Variants in DIAPH1 observed in about 807,000 individuals in gnomAD.
The protein encoded by DIAPH1 is diaphanous related formin 1, also known as protein diaphanous homolog 1.
A neutral mutation model predicts 140.7 loss-of-function variants in DIAPH1; 46 were observed. The observed-to-expected ratio is 0.33, with a 90% CI of 0.26 to 0.42. The LOEUF (loss-of-function observed/expected upper bound fraction) is 0.42, where lower values mean the gene tolerates loss of function less well. DIAPH1 is among the 10% of genes least tolerant of loss of function. DIAPH1 has a pLI of 1.00. For synonymous variants in DIAPH1, 565 were observed against 551.6 expected, an observed-to-expected ratio of 1.02 and a Z score of -0.34; for missense variants, 1,310 against 1,558.7, an observed-to-expected ratio of 0.84 and a Z score of 2.69.
intron 23 of DIAPH1, 30 bp downstream of exon 23, chr5:141,528,423 G>A (rs765135612): frequency 6.2e-7 from 1 of 1,613,656 alleles, no homozygotes; most frequent in African/African-American, 1.3e-5. Flanking sequence ...AGAGACTTTT[G>A]GGCTCTAGCT....
chr5:141,531,175 G>T (rs1410947844), intron 19 of DIAPH1, among the ~76,000 whole-genome samples: 1 of 152,124 alleles, frequency 6.6e-6, no homozygotes, highest in Non-Finnish European at 1.5e-5. Context: ...TCCCCGAAAA[G>T]ACAATCTGTT....
rs778617853 is a variant in DIAPH1 at position 141,527,546 on chromosome 5, C to A, written c.3273+27G>T. On this transcript the variant is annotated intron_variant, in intron 24 of 27. Coordinates refer to ENST00000389054, the MANE Select transcript of DIAPH1 (RefSeq NM_005219.5). Reference sequence around the variant, plus strand: ...AAGTTTTCTTTCCCTTCCTAGGGAACAACTCCCTCCTTTCAAGAGAGGATA... The same window carrying A: ...AAGTTTTCTTTCCCTTCCTAGGGAAAAACTCCCTCCTTTCAAGAGAGGATA... 9 of 1,612,876 alleles carry A rather than the reference C, an allele frequency of 5.6e-6. No individual in the cohort carries two copies. The East Asian group carries it at 2.0e-4, about 36-fold the overall frequency.
At chr5:141,520,252 G>T (rs529026448) in intron 27 of DIAPH1, among the ~76,000 whole-genome samples, 33 of 152,138 alleles carry the variant, frequency 2.2e-4, no homozygotes, top group Admixed American at 9.2e-4. Context: ...ACAAAAGTAG[G>T]GGGGAGAATA....
At position 141,526,315 on chromosome 5, in the gene DIAPH1, A is replaced by G; in HGVS notation, c.3420T>C (p.Asn1140=). The G allele has an allele frequency of 6.2e-7, 1 of 1,614,178 alleles. No homozygotes were observed. Among genetic ancestry groups the G allele is most frequent in the South Asian group, 1.1e-5 (1 of 91,082 alleles). The change falls in exon 25 of 28, where the codon AAT becomes AAC. Residue 1140 remains asparagine, a synonymous_variant. Coordinates refer to ENST00000389054, the MANE Select transcript of DIAPH1 (RefSeq NM_005219.5). The part of the protein sequence containing the change: ...SVEEFFMDLH[N]FRNMFLQAVK... ...TGCTCACCAAAAACATATTCCGAAA[A>G]TTGTGAAGATCCATGAAAAATTCTT... is the stretch of plus-strand genomic sequence containing the variant.
chr5:141,515,357 A>C lies in DIAPH1; in HGVS notation c.*1494T>G, dbSNP rs970564947. 28 of 152,266 alleles carry C rather than the reference A, an allele frequency of 1.8e-4. 1 individual carries two copies. The highest frequency in any genetic ancestry group is 6.3e-4 in the African/African-American group (26 of 41,452). The allele number at this position is 152,266 out of a possible 1,614,324, so 9.4% of individuals were successfully genotyped here. The stretch of plus-strand genomic sequence containing the variant: ...CCCTCCCTCCTGGCAATAAGGCCTC[A>C]CTATAGTTGCCCTCATGCTTCCTAA... On this transcript the variant is annotated 3_prime_UTR_variant, in exon 28 of 28. Transcript: ENST00000389054.
chr5:141,551,681 A>G (rs948850869), intron 18 of DIAPH1, among the ~76,000 whole-genome samples: 3 of 152,218 alleles, frequency 2.0e-5, no homozygotes, highest in African/African-American at 7.2e-5. Context: ...GAAAAAATAT[A>G]AAATAAAACC....
At chr5:141,518,695 T>C (rs2099886073) in intron 27 of DIAPH1, 3 of 526,528 alleles carry the variant, frequency 5.7e-6, no homozygotes, top group Non-Finnish European at 6.9e-6. Flanking sequence ...GCTATTTTTG[T>C]ATTTTTTTGC....
intron 16 of DIAPH1, among the ~76,000 whole-genome samples, chr5:141,573,035 T>C (rs570437278): frequency 1.3e-5 from 2 of 152,328 alleles, no homozygotes; most frequent in African/African-American, 4.8e-5. Context: ...TAATATCTCC[T>C]GAATAAACAT....
At chr5:141,524,251 A>C (rs1050683737) in intron 26 of DIAPH1, 22 bp from the exon 27 acceptor site, 2 of 1,603,712 alleles carry the variant, frequency 1.2e-6, no homozygotes, top group Non-Finnish European at 1.7e-6. Flanking sequence ...AACAAGATGG[A>C]GATGTGAACT....
intron 18 of DIAPH1, chr5:141,560,938 AG>A (rs1357439267): frequency 8.9e-6 from 4 of 449,222 alleles, no homozygotes; most frequent in African/African-American, 2.1e-5. Context: ...GGGAAAGATG[AG>A]GGGGGGAAGG....
intron 19 of DIAPH1, 65 bp downstream of exon 19, chr5:141,534,270 G>C (rs960502423): frequency 7.8e-7 from 1 of 1,283,964 alleles, no homozygotes; most frequent in Non-Finnish European, 1.1e-6. Flanking sequence ...ATAGATTCAA[G>C]AGAATTAAAA....
At chr5:141,536,319 T>C (rs538110708) in intron 18 of DIAPH1, among the ~76,000 whole-genome samples, 69 of 152,198 alleles carry the variant, frequency 4.5e-4, no homozygotes, top group African/African-American at 1.6e-3. Flanking sequence ...TTCACTGTTT[T>C]GGAGCTCAGT....
chr5:141,578,946 T>G, intron 9 of DIAPH1, 142 bp downstream of exon 9: 1 of 778,218 alleles, frequency 1.3e-6, no homozygotes, highest in Non-Finnish European at 2.3e-6. Context: ...AGAAGGTTAA[T>G]CATTTTCCCT....
At chr5:141,615,212 G>GA (rs1362564056) in intron 1 of DIAPH1, among the ~76,000 whole-genome samples, 1 of 151,780 alleles carries the variant, frequency 6.6e-6, no homozygotes, top group African/African-American at 2.4e-5. Flanking sequence ...GAGGCTGGCG[G>GA]ATCACGAGGT....
At chr5:141,575,710 G>C (rs1197945073) in intron 14 of DIAPH1, among the ~76,000 whole-genome samples, 1 of 151,922 alleles carries the variant, frequency 6.6e-6, no homozygotes, top group African/African-American at 2.4e-5. Context: ...AGGGGAATCA[G>C]TTCATTTCCA....
intron 18 of DIAPH1, among the ~76,000 whole-genome samples, chr5:141,549,123 G>A (rs2099891293): frequency 6.6e-6 from 1 of 152,056 alleles, no homozygotes; most frequent in Non-Finnish European, 1.5e-5. Flanking sequence ...TCAGACTGGA[G>A]TTACAAAACA....
At chr5:141,582,609 A>G (rs1428413527) in intron 6 of DIAPH1, among the ~76,000 whole-genome samples, 6 of 152,174 alleles carry the variant, frequency 3.9e-5, no homozygotes, top group African/African-American at 1.4e-4. Context: ...TTATATTAAA[A>G]TCTTCTTTTT....
At position 141,534,356 on chromosome 5, in the gene DIAPH1, A is replaced by G; in HGVS notation, c.2560T>C (p.Ser854Pro). 2 of 1,613,674 alleles carry G rather than the reference A, an allele frequency of 1.2e-6. No individual in the cohort carries two copies. The highest frequency in any genetic ancestry group is 1.7e-6 in the Non-Finnish European group (2 of 1,179,810). Residue 854 changes from serine to proline, a missense_variant, in exon 19 of 28, where the codon TCA (serine) becomes CCA (proline). By Grantham distance (74) the Ser-to-Pro change is moderately conservative. This residue lies in a region of DIAPH1 where 589 missense variants were observed against 549.3 expected (regional missense o/e 1.07). Coordinates refer to ENST00000389054, the MANE Select transcript of DIAPH1 (RefSeq NM_005219.5). The part of the protein sequence containing the change: ...KKVKELKVLD[S>P]KTAQNLSIFL... The stretch of plus-strand genomic sequence containing the variant: ...TCACAGAGATTCTGGGCTGTCTTTG[A>G]ATCCAACACCTTTAACTCTTTTACT...
At chr5:141,580,911 G>T (rs757992491) in intron 7 of DIAPH1, 28 bp from the exon 8 acceptor site, 3 of 1,613,994 alleles carry the variant, frequency 1.9e-6, no homozygotes. Context: ...AAAGAAAGGA[G>T]GCTGAAAGAC....
Sources: gnomAD v4.1 joint callset for allele counts (sites outside exome capture counted in the v4.1 genomes callset) on GRCh38, gnomAD v4.1.1 for gene constraint, gnomAD v4.1.1 regional missense constraint, MANE v1.5 for transcripts, NCBI Gene and HGNC (gene_info 2026-07-23, HGNC 2026-07-21) for gene names.